Variants in TNKS2 observed in about 807,000 individuals in gnomAD.
TNKS2 encodes tankyrase 2, also known as poly [ADP-ribose] polymerase tankyrase-2.
In TNKS2, 72 loss-of-function variants were observed where a neutral mutation model predicts 137.6. The observed-to-expected ratio is 0.52, with a 90% confidence interval of 0.43 to 0.64. The LOEUF is 0.64. TNKS2 is among the 30% of genes least tolerant of loss of function. The pLI is 0.00. For synonymous variants in TNKS2, 516 were observed against 512.1 expected (o/e 1.01, Z -0.10); for missense variants, 1,049 against 1,410.2 (o/e 0.74, Z 4.10).
At chr10:91,819,459 C>A in intron 4 of TNKS2, 23 bp from the exon 5 acceptor site, 1 of 1,549,798 alleles carries the variant, frequency 6.5e-7, no homozygotes. Context: ...ATGCAAATTA[C>A]TAATACTTTT....
At chr10:91,825,520 C>A (rs1410194153) in intron 7 of TNKS2, among the ~76,000 whole-genome samples, 1 of 152,040 alleles carries the variant, frequency 6.6e-6, no homozygotes, top group African/African-American at 2.4e-5. Context: ...TCTTTTGCTC[C>A]AAAGGCAAAT....
chr10:91,831,375 C>CAT (rs1845240041), intron 11 of TNKS2, among the ~76,000 whole-genome samples, 194 bp downstream of exon 11: 1 of 152,106 alleles, frequency 6.6e-6, no homozygotes, highest in South Asian at 2.1e-4. Flanking sequence ...TGGGTTTATT[C>CAT]AGATACACAT....
intron 13 of TNKS2, among the ~76,000 whole-genome samples, chr10:91,837,617 C>T (rs75111838): frequency 0.094 from 14,332 of 152,218 alleles, 766 homozygotes; most frequent in East Asian, 0.19. Flanking sequence ...CCCAGCACTT[C>T]GTGAGGCTGA....
chr10:91,838,865 T>TTTTG lies in TNKS2; in HGVS notation c.1528-1679_1528-1676dup, dbSNP rs371323141. On this transcript the variant is annotated intron_variant, in intron 13 of 26. Transcript: ENST00000371627. ...GTTTTTACTAATATGGATATATTCTTTTTGTTTGTTTGTTTGTTTGAGATG... is the reference window on the plus strand; with the variant it reads ...GTTTTTACTAATATGGATATATTCTTTTTGTTTGTTTGTTTGTTTGTTTGAGATG... 1.3e-4 allele frequency among the ~76,000 whole-genome samples: 20 copies of TTTTG among 152,254 alleles called. No individual in the cohort carries two copies. In the South Asian group the frequency reaches 1.7e-3, roughly 13 times the overall value.
intron 25 of TNKS2, among the ~76,000 whole-genome samples, chr10:91,860,725 GTTCT>G (rs1286077193): frequency 6.6e-6 from 1 of 152,126 alleles, no homozygotes; most frequent in Non-Finnish European, 1.5e-5. Context: ...AGGGAAACAG[GTTCT>G]TTCTTTGTGT....
chr10:91,819,391 TA>T, intron 4 of TNKS2, 85 bp downstream of exon 4: 1 of 1,421,690 alleles, frequency 7.0e-7, no homozygotes, highest in Non-Finnish European at 9.4e-7. Context: ...AAGCAAACTT[TA>T]AAAAGAATTT....
chr10:91,798,973 C>T, intron 1 of TNKS2, 84 bp downstream of exon 1: 1 of 1,266,204 alleles, frequency 7.9e-7, no homozygotes, highest in Non-Finnish European at 1.0e-6. Context: ...AGTGCTCCTC[C>T]GCCTCCCGAC....
Position 91,798,610 on chromosome 10 carries a change from G to T in TNKS2, c.-81G>T, listed in dbSNP as rs1564597479. On this transcript the variant is annotated 5_prime_UTR_variant, in exon 1 of 27. Coordinates refer to ENST00000371627, the MANE Select transcript of TNKS2 (RefSeq NM_025235.4). ...GGCCCTGAGCGCGTCTTCTCCGGGG[G>T]GCCTCGCCCTCCTGCTCGCGGGGCC... 4 of 1,203,476 alleles carry T rather than the reference G, an allele frequency of 3.3e-6. No homozygotes were observed. The highest frequency in any genetic ancestry group is 4.1e-6 in the Non-Finnish European group (4 of 969,712). 74.5% of individuals were successfully genotyped at this position (1,203,476 alleles called of 1,614,324 possible).
intron 3 of TNKS2, among the ~76,000 whole-genome samples, chr10:91,817,768 T>C (rs565004604): frequency 6.6e-6 from 1 of 152,322 alleles, no homozygotes; most frequent in South Asian, 2.1e-4. Flanking sequence ...TGCTGTAACA[T>C]ATTTATGTCC....
chr10:91,837,089 A>G (rs1842048624), intron 13 of TNKS2, 91 bp downstream of exon 13: 1 of 1,291,620 alleles, frequency 7.7e-7, no homozygotes, highest in Middle Eastern at 2.3e-4. Flanking sequence ...AGCCTGGTTT[A>G]TTTGTATGGG....
At chr10:91,804,365 C>T (rs973619198) in intron 1 of TNKS2, among the ~76,000 whole-genome samples, 4 of 152,172 alleles carry the variant, frequency 2.6e-5, no homozygotes, top group Non-Finnish European at 5.9e-5. Context: ...GATAGGCCTG[C>T]TTTGCTTCAC....
intron 21 of TNKS2, among the ~76,000 whole-genome samples, chr10:91,852,583 A>G (rs1842578883): frequency 6.6e-6 from 1 of 152,224 alleles, no homozygotes. Context: ...AAAAAGGTGA[A>G]TTGTTTTAAG....
chr10:91,818,438 T>G (rs965846384), intron 3 of TNKS2, among the ~76,000 whole-genome samples: 1 of 152,226 alleles, frequency 6.6e-6, no homozygotes, highest in African/African-American at 2.4e-5. Context: ...TGATTATGTT[T>G]AATCAGTGAT....
At chr10:91,833,459 G>A (rs973465223) in intron 11 of TNKS2, among the ~76,000 whole-genome samples, 1 of 151,896 alleles carries the variant, frequency 6.6e-6, no homozygotes, top group African/African-American at 2.4e-5. Context: ...ATAGAAATAA[G>A]CATTTTAATG....
chr10:91,850,972 T>A (rs1842523641), intron 20 of TNKS2, among the ~76,000 whole-genome samples: 1 of 152,038 alleles, frequency 6.6e-6, no homozygotes. Flanking sequence ...GGATGTAGAG[T>A]GATGGTAGAA....
Position 91,813,087 on chromosome 10 carries a change from G to A in TNKS2, c.304G>A (p.Gly102Ser). ...LIPLHNACSF[G>S]HAEVVNLLLR... is the part of the protein sequence containing the mutation. The stretch of plus-strand genomic sequence containing the variant: ...TCCTCTTCATAATGCATGCTCTTTT[G>A]GTCATGCTGAAGTAGTCAATCTCCT... The change falls in exon 2 of 27, where the codon GGT (glycine) becomes AGT (serine). Residue 102 changes from glycine to serine, a missense_variant. This residue lies in a region of TNKS2 where 374 missense variants were observed against 460.8 expected (regional missense o/e 0.81). Transcript: ENST00000371627. 1 of 1,614,074 alleles carries A rather than the reference G, an allele frequency of 6.2e-7. No homozygotes were observed. The highest frequency in any genetic ancestry group is 1.1e-5 in the South Asian group (1 of 91,064).
In TNKS2 at chr10:91,819,564, C is replaced by T; in HGVS notation, c.633+7C>T. ...CGCAAGTGATGGCAGAAAGGTACTT[C>T]CTTTTGCAACTGAGTTTGTGCTTAT... On this transcript the variant is annotated splice_region_variant and intron_variant, in intron 5 of 26. Transcript: ENST00000371627. 1 of 1,574,854 alleles carries T rather than the reference C, an allele frequency of 6.3e-7. No individual in the cohort carries two copies. The highest frequency in any genetic ancestry group is 8.6e-7 in the Non-Finnish European group (1 of 1,166,226).
chr10:91,820,364 C>T (rs1844848818), intron 6 of TNKS2, among the ~76,000 whole-genome samples: 1 of 152,150 alleles, frequency 6.6e-6, no homozygotes, highest in Non-Finnish European at 1.5e-5. Flanking sequence ...TTGGGAAATC[C>T]CTCAGAATGA....
Position 91,857,225 on chromosome 10 carries a change from T to G in TNKS2, c.2989-200T>G, listed in dbSNP as rs191397062. ...ATATGGCCTTTTTTTCTTTGAATTT[T>G]TTTAATCTCCAAAATGTAGCTATAC... On this transcript the variant is annotated intron_variant, in intron 23 of 26. Coordinates refer to ENST00000371627, the MANE Select transcript of TNKS2 (RefSeq NM_025235.4). Among the ~76,000 whole-genome samples the G allele has an allele frequency of 4.0e-3, 604 of 152,328 alleles. 5 individuals are homozygous for G. In the Middle Eastern group the frequency reaches 0.044, roughly 11 times the overall value.
Sources: gnomAD v4.1 joint callset for allele counts (sites outside exome capture counted in the v4.1 genomes callset) on GRCh38, gnomAD v4.1.1 for gene constraint, gnomAD v4.1.1 regional missense constraint, MANE v1.5 for transcripts, NCBI Gene and HGNC (gene_info 2026-07-23, HGNC 2026-07-21) for gene names.